NBPF11: variants seen among roughly 807,000 people sequenced by gnomAD.
NBPF11 encodes NBPF family member NBPF11.
NBPF11 carries 72 observed loss-of-function variants against 93.9 expected under a neutral mutation model. The observed-to-expected ratio is 0.77, with a 90% CI of 0.63 to 0.93. The LOEUF is 0.93. Ranked by LOEUF, NBPF11 falls within the 40% of genes least tolerant of loss-of-function variation. The pLI, the probability that NBPF11 is intolerant of heterozygous loss-of-function variation, is 0.00. For synonymous variants in NBPF11, 224 were observed against 304.9 expected (o/e 0.73, Z 2.76); for missense variants, 705 against 802.2 (o/e 0.88, Z 1.46).
intron 15 of NBPF11, among the ~76,000 whole-genome samples, chr1:148,111,589 G>A (rs1488895329): frequency 9.3e-5 from 14 of 150,968 alleles, no homozygotes; most frequent in African/African-American, 1.7e-4. Context: ...ACCATGGCAC[G>A]AAAACTACGT....
At chr1:148,105,737 C>CAG (rs1663411143) in intron 21 of NBPF11, among the ~76,000 whole-genome samples, 1 of 100,782 alleles carries the variant, frequency 9.9e-6, no homozygotes. Flanking sequence ...CACACACACA[C>CAG]ACACACACAA....
chr1:148,103,671 A>G lies in NBPF11; in HGVS notation c.*225T>C. 1.2e-6 allele frequency: 2 copies of G among 1,611,192 alleles called. No homozygotes were observed. The highest frequency in any genetic ancestry group is 1.1e-5 in the South Asian group (1 of 90,980). ...CCTCTCGGCTTAGTAAGGGCTGCTT[A>G]TTGTGGGAATATGACTCCCATCTGG... On this transcript the variant is annotated 3_prime_UTR_variant, in exon 24 of 24. Transcript: ENST00000682118.
At chr1:148,122,873 C>T in intron 7 of NBPF11, 72 bp from the exon 8 acceptor site, 3 of 1,605,596 alleles carry the variant, frequency 1.9e-6, no homozygotes, top group Admixed American at 1.7e-5. Flanking sequence ...CCAACGTGCA[C>T]AGAGACATGA....
At position 148,141,149 on chromosome 1, in the gene NBPF11, G is replaced by A. The variant is rs1327912818; in HGVS notation, c.-277+2266C>T. ...GAGTGGTTGTCAGGGGTGGAGGAGA[G>A]GAGGAGGCATGAAATGGTGAAGCAC... On this transcript the variant is annotated intron_variant, in intron 2 of 23. Coordinates refer to ENST00000682118, the MANE Select transcript of NBPF11 (RefSeq NM_001385469.3). Among the ~76,000 whole-genome samples the A allele has an allele frequency of 3.9e-5, 6 of 152,000 alleles. No individual in the cohort carries two copies. In the East Asian group the frequency reaches 7.7e-4, roughly 20 times the overall value.
At chr1:148,126,070 G>A (rs1303598239) in intron 5 of NBPF11, among the ~76,000 whole-genome samples, 1 of 151,816 alleles carries the variant, frequency 6.6e-6, no homozygotes, top group African/African-American at 2.4e-5. Context: ...GTGCAATCTT[G>A]ACTCACTGCA....
chr1:148,121,189 C>T (rs1354239508), intron 9 of NBPF11, among the ~76,000 whole-genome samples: 12 of 151,626 alleles, frequency 7.9e-5, no homozygotes, highest in South Asian at 6.3e-4. Context: ...GGATTACAAG[C>T]GCCAAGTAAC....
intron 1 of NBPF11, among the ~76,000 whole-genome samples, chr1:148,146,017 A>C (rs1672946261): frequency 6.6e-6 from 1 of 152,134 alleles, no homozygotes; most frequent in Non-Finnish European, 1.5e-5. Flanking sequence ...ATAAAGTATT[A>C]CAAATCAACA....
intron 2 of NBPF11, among the ~76,000 whole-genome samples, chr1:148,142,000 G>A (rs1159253650): frequency 4.2e-5 from 6 of 144,400 alleles, no homozygotes; most frequent in African/African-American, 1.6e-4. Flanking sequence ...GAGGGAGGGA[G>A]GGAAGGAGGG....
intron 12 of NBPF11, 150 bp from the exon 13 acceptor site, chr1:148,116,685 G>A (rs1210258336): frequency 1.2e-5 from 7 of 595,380 alleles, no homozygotes; most frequent in Admixed American, 3.0e-5. Context: ...GAATGCCCTG[G>A]CATGGTTTCC....
intron 9 of NBPF11, among the ~76,000 whole-genome samples, chr1:148,121,202 G>A (rs587671579): frequency 0.012 from 1,746 of 151,648 alleles, 62 homozygotes; most frequent in African/African-American, 0.04. Flanking sequence ...CAAGTAACAT[G>A]ACAGCTAATT....
In NBPF11 at chr1:148,110,372, A is replaced by G; in HGVS notation, c.1801+6T>C. ...AGCTTTATCACCTTCACAATGGAGTACTCACTGCCTATGTCAACAGCCATG... is the reference window on the plus strand; with the variant it reads ...AGCTTTATCACCTTCACAATGGAGTGCTCACTGCCTATGTCAACAGCCATG... On this transcript the variant is annotated splice_donor_region_variant and intron_variant, in intron 16 of 23. Coordinates refer to ENST00000682118, the MANE Select transcript of NBPF11 (RefSeq NM_001385469.3). 1 of 1,576,248 alleles carries G rather than the reference A, an allele frequency of 6.3e-7. No homozygotes were observed. Among genetic ancestry groups the G allele is most frequent in the Non-Finnish European group, 8.7e-7 (1 of 1,148,690 alleles).
intron 1 of NBPF11, chr1:148,146,667 C>G: frequency 1.9e-6 from 3 of 1,611,770 alleles, no homozygotes; most frequent in Non-Finnish European, 2.5e-6. Context: ...TCTTCCCCAC[C>G]AAGAGCGCCC....
rs1671239415 is a variant in NBPF11, at chr1:148,136,127, A to G, written c.-177-314T>C. 5.3e-5 allele frequency among the ~76,000 whole-genome samples: 8 copies of G among 152,132 alleles called. No individual in the cohort carries two copies. In the South Asian group the frequency reaches 8.3e-4, roughly 16 times the overall value. On this transcript the variant is annotated intron_variant, in intron 3 of 23. Coordinates refer to ENST00000682118, the MANE Select transcript of NBPF11 (RefSeq NM_001385469.3). ...CTCACCTTCATACATTAATGGTTGG[A>G]ATGTACAATAGTATAAACACTTTGG...
chr1:148,137,342 C>T (rs1271226043), intron 3 of NBPF11, among the ~76,000 whole-genome samples: 14 of 151,222 alleles, frequency 9.3e-5, no homozygotes, highest in African/African-American at 3.2e-4. Context: ...AGACTGTCTC[C>T]CCGCTGACAG....
At chr1:148,143,105 G>A (rs1270858134) in intron 2 of NBPF11, among the ~76,000 whole-genome samples, 12 of 141,814 alleles carry the variant, frequency 8.5e-5, no homozygotes, top group African/African-American at 3.1e-4. Context: ...AATGGGGGCA[G>A]AGAATGGGGG....
rs1268810482 is a variant in NBPF11 at position 148,146,808 on chromosome 1, C to G, written c.-548-3122G>C. On this transcript the variant is annotated intron_variant, in intron 1 of 23. Transcript: ENST00000682118. ...TCTACATTGGCCTGGGCTCCCGCCT[C>G]CACTGCAACATCTTCACCTACGACT... The G allele has an allele frequency of 1.4e-5, 23 of 1,613,470 alleles. No homozygotes were observed. In the African/African-American group the frequency reaches 2.3e-4, roughly 16 times the overall value.
chr1:148,119,400 T>A (rs2149223681), intron 10 of NBPF11, among the ~76,000 whole-genome samples: 1 of 152,114 alleles, frequency 6.6e-6, no homozygotes, highest in South Asian at 2.1e-4. Context: ...CTCATGTAAT[T>A]CACTGCAGCA....
At chr1:148,120,767 C>A in intron 9 of NBPF11, 57 bp from the exon 10 acceptor site, 2 of 1,232,712 alleles carry the variant, frequency 1.6e-6, no homozygotes, top group Non-Finnish European at 2.4e-6. Flanking sequence ...ATCAAATAGG[C>A]TTAATCAGGA....
intron 1 of NBPF11, among the ~76,000 whole-genome samples, chr1:148,148,154 G>GC (rs1647235008): frequency 6.6e-6 from 1 of 152,216 alleles, no homozygotes; most frequent in African/African-American, 2.4e-5. Flanking sequence ...ACAGGCACCA[G>GC]CCAGGCAGCA....
Sources: allele counts gnomAD v4.1 joint callset (sites outside exome capture counted in the v4.1 genomes callset), GRCh38; gene constraint gnomAD v4.1.1; transcripts MANE v1.5; gene names NCBI Gene and HGNC (gene_info 2026-07-23, HGNC 2026-07-21).